BTBD9: variants seen among roughly 807,000 people sequenced by gnomAD.
BTBD9 encodes the protein BTB domain containing 9.
BTBD9 carries 49 observed loss-of-function variants against 64.3 expected under a neutral mutation model. That is an observed-to-expected ratio of 0.76 (90% CI 0.61 to 0.97). The LOEUF (loss-of-function observed/expected upper bound fraction) is 0.97, where lower values mean the gene tolerates loss of function less well. Ranked by LOEUF, BTBD9 falls within the 50% of genes least tolerant of loss-of-function variation. The pLI, the probability that BTBD9 is intolerant of heterozygous loss-of-function variation, is 0.00. For synonymous variants in BTBD9, 260 were observed against 274.7 expected, an observed-to-expected ratio of 0.95 and a Z score of 0.53; for missense variants, 598 against 762.1, an observed-to-expected ratio of 0.78 and a Z score of 2.53.
chr6:38,620,692 A>T (rs1310468750), intron 1 of BTBD9, among the ~76,000 whole-genome samples: 1 of 152,176 alleles, frequency 6.6e-6, no homozygotes, highest in East Asian at 1.9e-4. Flanking sequence ...TAGCCAGAGT[A>T]ACCAGGGCCC....
intron 6 of BTBD9, among the ~76,000 whole-genome samples, chr6:38,477,020 G>A (rs934815203): frequency 6.6e-6 from 1 of 152,240 alleles, no homozygotes; most frequent in Non-Finnish European, 1.5e-5. Flanking sequence ...AGGCTTCAGA[G>A]AGGTGACACC....
chr6:38,376,388 G>GA (rs1267813128), intron 6 of BTBD9, among the ~76,000 whole-genome samples: 2 of 151,780 alleles, frequency 1.3e-5, no homozygotes, highest in African/African-American at 2.4e-5. Flanking sequence ...AGGGAATTGA[G>GA]AAAAAAATAC....
rs1350389274 is a variant in BTBD9 at position 38,298,873 on chromosome 6, T to C, written c.1265-10412A>G. ...TTTCATTCTTTTTTTTTTTTTAATA[T>C]ACTTTAAGTTTTAGGGTACATGTGC... is the stretch of plus-strand genomic sequence containing the variant. On this transcript the variant is annotated intron_variant, in intron 7 of 10. Coordinates refer to ENST00000481247, the MANE Select transcript of BTBD9 (RefSeq NM_001099272.2). Among the ~76,000 whole-genome samples, 5 of 151,370 alleles carry C rather than the reference T, an allele frequency of 3.3e-5. No individual in the cohort carries two copies. In the East Asian group the frequency reaches 5.8e-4, roughly 18 times the overall value.
chr6:38,391,871 G>T (rs187455105), intron 6 of BTBD9, among the ~76,000 whole-genome samples: 1 of 152,146 alleles, frequency 6.6e-6, no homozygotes, highest in East Asian at 1.9e-4. Context: ...GTAGCTGATC[G>T]ATCGGCAACT....
chr6:38,465,741 ATATATATATATATATG>A (rs1408949412), intron 6 of BTBD9, among the ~76,000 whole-genome samples: 1,182 of 48,012 alleles, frequency 0.025, 36 homozygotes, highest in South Asian at 0.11. Flanking sequence ...ATATATATAT[ATATATATATATATATG>A]TATGTATGTA....
Position 38,374,313 on chromosome 6 carries a change from A to ATATATG in BTBD9, c.1155-29221_1155-29220insCATATA, listed in dbSNP as rs1562095734. ...TATATATATGTATATATATGTATAT[A>ATATATG]TATATATATATATGTATATAAAATC... On this transcript the variant is annotated intron_variant, in intron 6 of 10. Transcript: ENST00000481247. Among the ~76,000 whole-genome samples, 20 of 117,438 alleles carry ATATATG rather than the reference A, an allele frequency of 1.7e-4. 1 individual carries two copies. Among genetic ancestry groups the ATATATG allele is most frequent in the Non-Finnish European group, 3.2e-4 (19 of 58,768 alleles). 77.0% of individuals were successfully genotyped at this position (117,438 alleles called of 152,430 possible).
At chr6:38,617,441 T>C (rs931861778) in intron 1 of BTBD9, among the ~76,000 whole-genome samples, 4 of 152,178 alleles carry the variant, frequency 2.6e-5, no homozygotes, top group African/African-American at 9.7e-5. Flanking sequence ...CTGTCCCCGA[T>C]GCTCTTCTAG....
At chr6:38,298,855 C>T (rs1336268404) in intron 7 of BTBD9, among the ~76,000 whole-genome samples, 22 of 146,208 alleles carry the variant, frequency 1.5e-4, no homozygotes, top group African/African-American at 4.7e-4. Flanking sequence ...GTATTTCATT[C>T]TTTTTTTTTT....
chr6:38,300,460 T>C (rs1298810345), intron 7 of BTBD9, among the ~76,000 whole-genome samples: 2 of 152,178 alleles, frequency 1.3e-5, no homozygotes, highest in African/African-American at 4.8e-5. Flanking sequence ...AGTGTGACCA[T>C]TTTCACGATA....
intron 6 of BTBD9, among the ~76,000 whole-genome samples, chr6:38,499,661 T>C (rs576515907): frequency 1.3e-5 from 2 of 152,214 alleles, no homozygotes; most frequent in Non-Finnish European, 2.9e-5. Context: ...AATGAATCTC[T>C]TGTGACTTCT....
chr6:38,180,829 T>C (rs1265268415), intron 10 of BTBD9, among the ~76,000 whole-genome samples: 1 of 152,234 alleles, frequency 6.6e-6, no homozygotes, highest in Non-Finnish European at 1.5e-5. Context: ...ATCTCTCCCC[T>C]GAGAGAAGCC....
chr6:38,530,422 T>G (rs1773739812), intron 6 of BTBD9, among the ~76,000 whole-genome samples: 1 of 152,088 alleles, frequency 6.6e-6, no homozygotes, highest in Non-Finnish European at 1.5e-5. Flanking sequence ...CCCTCCCCTT[T>G]TGAAACCCTT....
At chr6:38,639,473 TCAGA>T (rs928525343) in intron 1 of BTBD9, among the ~76,000 whole-genome samples, 1 of 152,076 alleles carries the variant, frequency 6.6e-6, no homozygotes, top group African/African-American at 2.4e-5. Context: ...CAACGTCGTC[TCAGA>T]CAGGATACGA....
At chr6:38,515,607 C>G (rs1038636153) in intron 6 of BTBD9, among the ~76,000 whole-genome samples, 1 of 152,184 alleles carries the variant, frequency 6.6e-6, no homozygotes, top group African/African-American at 2.4e-5. Flanking sequence ...AATATCCTCT[C>G]TCCATACTCC....
At chr6:38,331,732 G>A (rs1260780366) in intron 7 of BTBD9, among the ~76,000 whole-genome samples, 1 of 152,000 alleles carries the variant, frequency 6.6e-6, no homozygotes, top group Non-Finnish European at 1.5e-5. Context: ...GGTGGTGCAT[G>A]CCTGTGGTCC....
At chr6:38,225,542 T>C (rs894826360) in intron 9 of BTBD9, among the ~76,000 whole-genome samples, 1 of 152,234 alleles carries the variant, frequency 6.6e-6, no homozygotes, top group African/African-American at 2.4e-5. Flanking sequence ...CCAGGCATTT[T>C]ATAGGTGCTA....
chr6:38,385,268 T>A (rs187362251), intron 6 of BTBD9, among the ~76,000 whole-genome samples: 1 of 151,166 alleles, frequency 6.6e-6, no homozygotes, highest in African/African-American at 2.4e-5. Context: ...CTCAGCTCAC[T>A]GCAACCTCCG....
chr6:38,495,465 T>G (rs1771910681), intron 6 of BTBD9, among the ~76,000 whole-genome samples: 1 of 152,170 alleles, frequency 6.6e-6, no homozygotes, highest in Non-Finnish European at 1.5e-5. Context: ...TAAAACCCAC[T>G]CAAAATTTCA....
rs34019950 is a variant in BTBD9, at chr6:38,385,794, C to CTTT, written c.1155-40704_1155-40702dup. ...CTATTAGAGATTAAATAATATCATA[C>CTTT]TTTTTTTTTTTTTTTTTTGAGACAG... On this transcript the variant is annotated intron_variant, in intron 6 of 10. Coordinates refer to ENST00000481247, the MANE Select transcript of BTBD9 (RefSeq NM_001099272.2). 6.7e-3 allele frequency among the ~76,000 whole-genome samples: 865 copies of CTTT among 129,384 alleles called. 34 individuals carry two copies. The highest frequency in any genetic ancestry group is 0.022 in the African/African-American group (754 of 33,840). 84.9% of individuals were successfully genotyped at this position (129,384 alleles called of 152,430 possible). A position where few individuals can be genotyped will look rare whatever the true frequency, so the allele number is the denominator to read the frequency against.
Sources: gnomAD v4.1 joint callset for allele counts (sites outside exome capture counted in the v4.1 genomes callset) on GRCh38, gnomAD v4.1.1 for gene constraint, MANE v1.5 for transcripts, NCBI Gene and HGNC (gene_info 2026-07-23, HGNC 2026-07-21) for gene names.